CCDC85C: variants seen among roughly 807,000 people sequenced by gnomAD.
CCDC85C encodes coiled-coil domain containing 85C, also known as coiled-coil domain-containing protein 85C.
Under a neutral mutation model 38.3 loss-of-function variants are expected in CCDC85C, and 18 were observed. The ratio of observed to expected loss-of-function variants is 0.47; its 90% CI spans 0.33 to 0.70. The LOEUF (loss-of-function observed/expected upper bound fraction) is 0.70, where lower values mean the gene tolerates loss of function less well. CCDC85C is among the 30% of genes least tolerant of loss of function. The pLI, the probability that CCDC85C is intolerant of heterozygous loss-of-function variation, is 0.03. For missense variants in CCDC85C, 566 were observed against 621.2 expected (o/e 0.91, Z 0.94); for synonymous variants, 264 against 293.8 (o/e 0.90, Z 1.04).
intron 1 of CCDC85C, among the ~76,000 whole-genome samples, chr14:99,592,400 A>G (rs1360493338): frequency 6.6e-6 from 1 of 152,274 alleles, no homozygotes; most frequent in East Asian, 1.9e-4. Context: ...TGGACACCTG[A>G]GCCTCAAGGC....
rs1653014277 is a variant in CCDC85C, at chr14:99,572,378, G to A, written c.793+30789C>T. ...TTCCTCACGGGACACTGCGGGCGCT[G>A]CGGGCTAGTGTCTCAGCCTGCAATC... On this transcript the variant is annotated intron_variant, in intron 1 of 5. Transcript: ENST00000380243. The surrounding 1 kb of genome is among the most constrained non-coding windows in gnomAD (Gnocchi z 4.4). 6.6e-6 allele frequency among the ~76,000 whole-genome samples: 1 copy of A among 152,194 alleles called. No individual in the cohort carries two copies. The highest frequency in any genetic ancestry group is 2.1e-4 in the South Asian group (1 of 4,834).
chr14:99,551,580 A>C (rs35244280), intron 1 of CCDC85C, among the ~76,000 whole-genome samples: 77,969 of 143,514 alleles, frequency 0.54, 20,776 homozygotes, highest in African/African-American at 0.59. Context: ...CAGGTGAGTG[A>C]GCAGGTGGGT....
In CCDC85C at chr14:99,511,056, A is replaced by G. The variant is rs548853061; in HGVS notation, c.*4190T>C. On this transcript the variant is annotated 3_prime_UTR_variant, in exon 6 of 6. Coordinates refer to ENST00000380243, the MANE Select transcript of CCDC85C (RefSeq NM_001144995.2). ...TGAGAGTCCTGCACTGGGTTACTTTATACTAGTGAGGACGTTAACCAGCCA... is the reference window on the plus strand; with the variant it reads ...TGAGAGTCCTGCACTGGGTTACTTTGTACTAGTGAGGACGTTAACCAGCCA... 7 of 304,342 alleles carry G rather than the reference A, an allele frequency of 2.3e-5. No homozygotes were observed. The highest frequency in any genetic ancestry group is 2.4e-5 in the Non-Finnish European group (4 of 166,634). 18.9% of individuals were successfully genotyped at this position (304,342 alleles called of 1,614,324 possible). A position where few individuals can be genotyped will look rare whatever the true frequency, so the allele number is the denominator to read the frequency against.
At chr14:99,522,596 C>A (rs1316691776) in intron 2 of CCDC85C, 2 of 199,272 alleles carry the variant, frequency 1.0e-5, no homozygotes, top group Non-Finnish European at 2.1e-5. Flanking sequence ...ACTTCCTGCC[C>A]TTGGGTCCCT....
At position 99,558,797 on chromosome 14, in the gene CCDC85C, T is replaced by C. The variant is rs1898058980; in HGVS notation, c.794-22709A>G. On this transcript the variant is annotated intron_variant, in intron 1 of 5. Coordinates refer to ENST00000380243, the MANE Select transcript of CCDC85C (RefSeq NM_001144995.2). This position sits in a 1 kb window ranked among gnomAD's most constrained non-coding sequence, Gnocchi z 4.2. ...CAGAAGCAGGAAGAGGCAAGGAAGGTGATGTGGTTTGAATCTGGGTCCTCA... is the reference window on the plus strand; with the variant it reads ...CAGAAGCAGGAAGAGGCAAGGAAGGCGATGTGGTTTGAATCTGGGTCCTCA... Among the ~76,000 whole-genome samples the C allele has an allele frequency of 6.6e-6, 1 of 151,914 alleles. No individual in the cohort carries two copies. The highest frequency in any genetic ancestry group is 2.1e-4 in the South Asian group (1 of 4,818).
rs1333019320 is a variant in CCDC85C at position 99,512,906 on chromosome 14, G to A, written c.*2340C>T. ...CACCTGTACTCAGGTACATGGCGTC[G>A]CTGCTGCTGGCTTTTAAAATCAGCT... is the stretch of plus-strand genomic sequence containing the variant. On this transcript the variant is annotated 3_prime_UTR_variant, in exon 6 of 6. Transcript: ENST00000380243. 1.3e-5 allele frequency: 2 copies of A among 152,322 alleles called. No homozygotes were observed. The highest frequency in any genetic ancestry group is 2.1e-4 in the South Asian group (1 of 4,830). The allele number at this position is 152,322 out of a possible 1,614,324, so 9.4% of individuals were successfully genotyped here.
chr14:99,583,132 T>A (rs958270772), intron 1 of CCDC85C: 2 of 152,206 alleles, frequency 1.3e-5, no homozygotes, highest in Middle Eastern at 3.2e-3. Context: ...ATATTATTTT[T>A]AAATGCCTTT....
At position 99,572,798 on chromosome 14, in the gene CCDC85C, T is replaced by C. The variant is rs1033637544; in HGVS notation, c.793+30369A>G. 2 of 456,016 alleles carry C rather than the reference T, an allele frequency of 4.4e-6. No individual in the cohort carries two copies. The highest frequency in any genetic ancestry group is 1.5e-5 in the South Asian group (1 of 64,568). The allele number at this position is 456,016 out of a possible 1,614,324, so 28.2% of individuals were successfully genotyped here. The stretch of plus-strand genomic sequence containing the variant: ...CAAAGGAGACTTCTGTCTGTCTTGC[T>C]TCATGGAAGTATCCCAGGAGCATGG... On this transcript the variant is annotated intron_variant, in intron 1 of 5. Transcript: ENST00000380243. This position sits in a 1 kb window ranked among gnomAD's most constrained non-coding sequence, Gnocchi z 4.4.
rs2055232731 is a variant in CCDC85C, at chr14:99,603,502, T to C, written c.458A>G (p.Glu153Gly). The change falls in exon 1 of 6, where the codon GAG becomes GGG. Residue 153 changes from glutamate (E) to glycine (G), a missense_variant. Coordinates refer to ENST00000380243, the MANE Select transcript of CCDC85C (RefSeq NM_001144995.2). This position sits in a 1 kb window ranked among gnomAD's most constrained non-coding sequence, Gnocchi z 7.5. ...ELKELVLLLD[E>G]ERAALAATGA... ...CGTCGCCGCCAGTGCCGCGCGCTCC[T>C]CGTCCAGCAGCAGCACCAGCTCCTT... 7.6e-7 allele frequency: 1 copy of C among 1,319,922 alleles called. No homozygotes were observed. Among genetic ancestry groups the C allele is most frequent in the Admixed American group, 4.1e-5 (1 of 24,244 alleles). 81.8% of individuals were successfully genotyped at this position (1,319,922 alleles called of 1,614,324 possible).
chr14:99,503,498 G>C lies in CCDC85C; in HGVS notation c.*11748C>G. On this transcript the variant is annotated 3_prime_UTR_variant, in exon 6 of 6. Coordinates refer to ENST00000380243, the MANE Select transcript of CCDC85C (RefSeq NM_001144995.2). Reference sequence around the variant, plus strand: ...TTCAGGCTAGAAATAATTTTTGTCCGAGGCTGTTCACAGTGACTGCCGTCG... The same window carrying C: ...TTCAGGCTAGAAATAATTTTTGTCCCAGGCTGTTCACAGTGACTGCCGTCG... The C allele has an allele frequency of 1.2e-6, 1 of 847,086 alleles. No individual in the cohort carries two copies. The allele number at this position is 847,086 out of a possible 1,614,324, so 52.5% of individuals were successfully genotyped here. A position where few individuals can be genotyped will look rare whatever the true frequency, so the allele number is the denominator to read the frequency against.
At position 99,515,194 on chromosome 14, in the gene CCDC85C, C is replaced by A; in HGVS notation, c.*52G>T. 7.2e-7 allele frequency: 1 copy of A among 1,398,010 alleles called. No individual in the cohort carries two copies. Among genetic ancestry groups the A allele is most frequent in the Non-Finnish European group, 9.9e-7 (1 of 1,015,140 alleles). 86.6% of individuals were successfully genotyped at this position (1,398,010 alleles called of 1,614,324 possible). On this transcript the variant is annotated 3_prime_UTR_variant, in exon 6 of 6. Transcript: ENST00000380243. ...TCCTGCCCGTGTCTGGGGCCTGAAA[C>A]TCCCCCTGGGGACCCCCAGCAGGGC...
chr14:99,547,250 G>A (rs923724973), intron 1 of CCDC85C, among the ~76,000 whole-genome samples: 6 of 152,082 alleles, frequency 3.9e-5, no homozygotes, highest in African/African-American at 1.4e-4. Flanking sequence ...TATATTACAG[G>A]AAAGAAGTGA....
chr14:99,572,410 C>T lies in CCDC85C; in HGVS notation c.793+30757G>A, dbSNP rs1193054706. ...AGTGTCTCAGCCTGCAATCCCGGCT[C>T]CCACCCCCACCCCAAGGCCCTGCTC... On this transcript the variant is annotated intron_variant, in intron 1 of 5. Coordinates refer to ENST00000380243, the MANE Select transcript of CCDC85C (RefSeq NM_001144995.2). The surrounding 1 kb of genome is among the most constrained non-coding windows in gnomAD (Gnocchi z 4.4). Among the ~76,000 whole-genome samples the T allele has an allele frequency of 6.6e-6, 1 of 151,894 alleles. No homozygotes were observed. Among genetic ancestry groups the T allele is most frequent in the Non-Finnish European group, 1.5e-5 (1 of 67,966 alleles).
intron 1 of CCDC85C, among the ~76,000 whole-genome samples, chr14:99,563,526 C>T (rs1295901175): frequency 1.3e-5 from 2 of 152,270 alleles, no homozygotes; most frequent in Non-Finnish European, 2.9e-5. Flanking sequence ...CGGGCAGGTA[C>T]ATCCCCCAAA....
rs1346333640 is a variant in CCDC85C at position 99,544,445 on chromosome 14, C to T, written c.794-8357G>A. Among the ~76,000 whole-genome samples the T allele has an allele frequency of 6.6e-6, 1 of 152,092 alleles. No homozygotes were observed. Among genetic ancestry groups the T allele is most frequent in the Non-Finnish European group, 1.5e-5 (1 of 68,008 alleles). Reference sequence around the variant, plus strand: ...ACCGAGGTTCCGAGGGGCTCCATAACCACCCAGTCACAGAACTCATAAAAA... The same window carrying T: ...ACCGAGGTTCCGAGGGGCTCCATAATCACCCAGTCACAGAACTCATAAAAA... On this transcript the variant is annotated intron_variant, in intron 1 of 5. Transcript: ENST00000380243. This position sits in a 1 kb window ranked among gnomAD's most constrained non-coding sequence, Gnocchi z 5.3.
Position 99,603,090 on chromosome 14 carries a change from C to A in CCDC85C, c.793+77G>T. ...GCCGCATGAGTGGGACAGCCAGGGA[C>A]CACCTCCTCTCGCCGCAGCCTGGGA... On this transcript the variant is annotated intron_variant, in intron 1 of 5. Coordinates refer to ENST00000380243, the MANE Select transcript of CCDC85C (RefSeq NM_001144995.2). This position sits in a 1 kb window ranked among gnomAD's most constrained non-coding sequence, Gnocchi z 7.5. The A allele has an allele frequency of 7.8e-7, 1 of 1,274,282 alleles. No homozygotes were observed. The highest frequency in any genetic ancestry group is 9.9e-7 in the Non-Finnish European group (1 of 1,009,774). 78.9% of individuals were successfully genotyped at this position (1,274,282 alleles called of 1,614,324 possible). A position where few individuals can be genotyped will look rare whatever the true frequency, so the allele number is the denominator to read the frequency against.
At chr14:99,526,693 G>T (rs549624410) in intron 2 of CCDC85C, among the ~76,000 whole-genome samples, 1 of 152,328 alleles carries the variant, frequency 6.6e-6, no homozygotes, top group South Asian at 2.1e-4. Flanking sequence ...GAGCTCCCAG[G>T]GTTGGTCAGT....
intron 3 of CCDC85C, 68 bp downstream of exon 3, chr14:99,522,065 G>T (rs1469300915): frequency 3.1e-6 from 4 of 1,274,372 alleles, no homozygotes; most frequent in Non-Finnish European, 4.4e-6. Context: ...CTCCGGGCAG[G>T]TCACTGGCCC....
Position 99,501,193 on chromosome 14 carries a change from G to T in CCDC85C, c.*14053C>A. The T allele has an allele frequency of 1.6e-6, 1 of 625,688 alleles. No individual in the cohort carries two copies. The highest frequency in any genetic ancestry group is 2.0e-5 in the South Asian group (1 of 51,226). 38.8% of individuals were successfully genotyped at this position (625,688 alleles called of 1,614,324 possible). A position where few individuals can be genotyped will look rare whatever the true frequency, so the allele number is the denominator to read the frequency against. Reference sequence around the variant, plus strand: ...AGCGTAGGTCATGAGGAGGAAGAAGGGGTAGGATGTGGACCCACATCATTC... The same window carrying T: ...AGCGTAGGTCATGAGGAGGAAGAAGTGGTAGGATGTGGACCCACATCATTC... On this transcript the variant is annotated 3_prime_UTR_variant, in exon 6 of 6. Transcript: ENST00000380243.
Sources: allele counts gnomAD v4.1 joint callset (sites outside exome capture counted in the v4.1 genomes callset), GRCh38; gene constraint gnomAD v4.1.1; non-coding constraint Gnocchi (gnomAD v3.1); transcripts MANE v1.5; gene names NCBI Gene and HGNC (gene_info 2026-07-23, HGNC 2026-07-21).